Variants in DCAF8L2 observed in about 807,000 individuals in gnomAD.
The protein encoded by DCAF8L2 is DDB1 and CUL4 associated factor 8 like 2, also known as DDB1- and CUL4-associated factor 8-like protein 2.
For missense variants in DCAF8L2, 430 were observed against 490.7 expected (o/e 0.88, Z 1.17); for synonymous variants, 200 against 190.9 (o/e 1.05, Z -0.39).
chrX:27,706,473 A>G (rs530683164), intron 3 of DCAF8L2, among the ~76,000 whole-genome samples: 1 of 111,435 alleles, frequency 9.0e-6, no homozygotes, highest in African/African-American at 3.3e-5. Context: ...GGGAAAGGGA[A>G]TTAAATAGAC....
chrX:27,575,171 A>G, the DCAF8L2 span, among the ~76,000 whole-genome samples: 166 of 111,430 alleles, frequency 1.5e-3, no homozygotes, highest in African/African-American at 5.0e-3. Context: ...ACTTGGCCTC[A>G]TCCCTCTGGT....
At chrX:27,558,687 C>T in the DCAF8L2 span, among the ~76,000 whole-genome samples, 6 of 108,133 alleles carry the variant, frequency 5.5e-5, no homozygotes, top group Admixed American at 2.0e-4. Flanking sequence ...TATACATGTG[C>T]CATGCTGGTG....
At chrX:27,500,711 T>A in the DCAF8L2 span, among the ~76,000 whole-genome samples, 10 of 111,535 alleles carry the variant, frequency 9.0e-5, no homozygotes, top group African/African-American at 2.9e-4. Context: ...GAGGTAAGTC[T>A]CAAAGGAAAG....
the DCAF8L2 span, among the ~76,000 whole-genome samples, chrX:27,537,352 A>G: frequency 2.7e-5 from 3 of 112,403 alleles, no homozygotes; most frequent in Non-Finnish European, 5.6e-5. Context: ...TGTGGTAGTA[A>G]ATCATTTACA....
chrX:27,635,857 G>C (rs889586022), intron 2 of DCAF8L2, among the ~76,000 whole-genome samples: 1 of 103,272 alleles, frequency 9.7e-6, no homozygotes, highest in African/African-American at 3.6e-5. Context: ...TGTTACCCAG[G>C]CTGGAGTGCA....
chrX:27,678,959 C>G (rs1386315241), intron 3 of DCAF8L2, among the ~76,000 whole-genome samples: 2 of 110,848 alleles, frequency 1.8e-5, no homozygotes, highest in Non-Finnish European at 3.8e-5. Context: ...TGTAAAATTG[C>G]CTAGTTTGAA....
the DCAF8L2 span, among the ~76,000 whole-genome samples, chrX:27,501,136 A>G: frequency 9.0e-6 from 1 of 111,049 alleles, no homozygotes; most frequent in South Asian, 3.8e-4. Context: ...ATGTAAGGAC[A>G]GATACATATA....
chrX:27,636,741 G>C (rs1280071366), intron 2 of DCAF8L2, among the ~76,000 whole-genome samples: 1 of 111,587 alleles, frequency 9.0e-6, no homozygotes, highest in Non-Finnish European at 1.9e-5. Flanking sequence ...TCAGGCCCAG[G>C]AAATGAGAAG....
the DCAF8L2 span, among the ~76,000 whole-genome samples, chrX:27,574,913 G>A: frequency 7.2e-5 from 8 of 111,504 alleles, no homozygotes; most frequent in East Asian, 2.8e-4. Flanking sequence ...TCTTTTAGGC[G>A]GCTTGTGTTA....
At chrX:27,480,810 T>TA in the DCAF8L2 span, among the ~76,000 whole-genome samples, 5 of 111,701 alleles carry the variant, frequency 4.5e-5, no homozygotes, top group African/African-American at 9.8e-5. Flanking sequence ...CCCTAACTGA[T>TA]ACACCAGGCC....
At chrX:27,588,607 T>C (rs758862602), upstream of DCAF8L2, among the ~76,000 whole-genome samples, 11 of 110,705 alleles carry the variant, frequency 9.9e-5, no homozygotes, top group South Asian at 4.2e-3. Flanking sequence ...AAACAATGTA[T>C]AAACCTTCCC....
chrX:27,518,739 C>CA, the DCAF8L2 span: 12 of 183,183 alleles, frequency 6.6e-5, no homozygotes, highest in South Asian at 1.9e-4. Flanking sequence ...GACTCCATCT[C>CA]AAAAAAAATA....
At chrX:27,719,962 G>T (rs1931835675) in intron 4 of DCAF8L2, among the ~76,000 whole-genome samples, 1 of 109,013 alleles carries the variant, frequency 9.2e-6, no homozygotes, top group African/African-American at 3.3e-5. Flanking sequence ...AAGAAACTTT[G>T]TCAAAGTCAA....
chrX:27,721,789 A>G (rs183054421), intron 4 of DCAF8L2, among the ~76,000 whole-genome samples: 1 of 111,944 alleles, frequency 8.9e-6, no homozygotes, highest in East Asian at 2.8e-4. Flanking sequence ...AATTAAATGG[A>G]TAATTTTCTA....
intron 2 of DCAF8L2, among the ~76,000 whole-genome samples, chrX:27,641,083 T>C (rs1158409238): frequency 8.9e-6 from 1 of 112,109 alleles, no homozygotes; most frequent in Non-Finnish European, 1.9e-5. Context: ...AATCTTTTTA[T>C]TATTTTTATT....
At chrX:27,565,453 T>C in the DCAF8L2 span, among the ~76,000 whole-genome samples, 311 of 111,791 alleles carry the variant, frequency 2.8e-3, 1 homozygote, top group Admixed American at 4.9e-3. Flanking sequence ...TGAAATCAGT[T>C]TGCTAGTATT....
At chrX:27,617,916 C>T (rs1222241046) in intron 1 of DCAF8L2, among the ~76,000 whole-genome samples, 1 of 111,594 alleles carries the variant, frequency 9.0e-6, no homozygotes, top group Admixed American at 9.5e-5. Flanking sequence ...GGCACTATTT[C>T]AAAAGTAAAA....
At chrX:27,517,643 G>C in the DCAF8L2 span, 1 of 564,950 alleles carries the variant, frequency 1.8e-6, no homozygotes, top group Admixed American at 2.3e-5. Flanking sequence ...CTTTTAGCTA[G>C]CACAGTCAAA....
chrX:27,744,952 C>T (rs1048730940), intron 4 of DCAF8L2, among the ~76,000 whole-genome samples: 1 of 111,945 alleles, frequency 8.9e-6, no homozygotes, highest in Non-Finnish European at 1.9e-5. Context: ...TTCTTTTTAA[C>T]TTACCCAGCC....
Sources: gnomAD v4.1 joint callset for allele counts (sites outside exome capture counted in the v4.1 genomes callset) on GRCh38, gnomAD v4.1.1 for gene constraint, MANE v1.5 for transcripts, NCBI Gene and HGNC (gene_info 2026-07-23, HGNC 2026-07-21) for gene names.